NTSR1: variants seen among roughly 807,000 people sequenced by gnomAD.
NTSR1 encodes neurotensin receptor type 1.
Under a neutral mutation model 31.2 loss-of-function variants are expected in NTSR1, and 29 were observed. The observed-to-expected ratio is 0.93, with a 90% CI of 0.69 to 1.27. The LOEUF (loss-of-function observed/expected upper bound fraction) is 1.27. NTSR1 is among the 50% of genes most tolerant of loss of function. NTSR1 has a pLI of 0.00. For missense variants in NTSR1, 697 were observed against 595.4 expected, an observed-to-expected ratio of 1.17 and a Z score of -1.78; for synonymous variants, 282 against 269.9, an observed-to-expected ratio of 1.04 and a Z score of -0.44.
intron 1 of NTSR1, among the ~76,000 whole-genome samples, chr20:62,712,763 G>A (rs1236374071): frequency 6.6e-6 from 1 of 152,212 alleles, no homozygotes; most frequent in Non-Finnish European, 1.5e-5. Flanking sequence ...CCCCACACGG[G>A]CAGATGGCCC....
Position 62,743,121 on chromosome 20 carries a change from G to A in NTSR1, c.715-11564G>A, listed in dbSNP as rs1389920128. ...CAGGCTGGGAGGGGAGCACGGAGCC[G>A]CCCCTGCTGGACACGTATCCCGGCC... On this transcript the variant is annotated intron_variant, in intron 1 of 3. Coordinates refer to ENST00000370501, the MANE Select transcript of NTSR1 (RefSeq NM_002531.3). This position sits in a 1 kb window ranked among gnomAD's most constrained non-coding sequence, Gnocchi z 7.5. Among the ~76,000 whole-genome samples the A allele has an allele frequency of 2.7e-5, 4 of 149,342 alleles. No homozygotes were observed. The highest frequency in any genetic ancestry group is 5.9e-5 in the Non-Finnish European group (4 of 67,990).
rs1407144222 is a variant in NTSR1, at chr20:62,708,858, G to C, written c.-350G>C. 4.0e-6 allele frequency: 1 copy of C among 249,902 alleles called. No homozygotes were observed. The highest frequency in any genetic ancestry group is 7.6e-6 in the Non-Finnish European group (1 of 132,360). The allele number at this position is 249,902 out of a possible 1,614,324, so 15.5% of individuals were successfully genotyped here. ...GCCACAAGCTCGCCCCGCGCAGCCC[G>C]AGCCGGGCTGGGCGCTGTCCTCGGG... On this transcript the variant is annotated 5_prime_UTR_variant, in exon 1 of 4. Transcript: ENST00000370501. This position sits in a 1 kb window ranked among gnomAD's most constrained non-coding sequence, Gnocchi z 5.9.
Position 62,709,857 on chromosome 20 carries a change from A to G in NTSR1, c.650A>G (p.Gln217Arg). 6.2e-7 allele frequency: 1 copy of G among 1,607,892 alleles called. No individual in the cohort carries two copies. The highest frequency in any genetic ancestry group is 8.5e-7 in the Non-Finnish European group (1 of 1,176,236). ...MGEQNRSADG[Q>R]HAGGLVCTPT... ...GAGCAGAACCGCAGCGCCGACGGCC[A>G]GCACGCCGGCGGCCTGGTGTGCACC... Residue 217 changes from glutamine (Q) to arginine (R), a missense_variant, in exon 1 of 4, where the codon CAG becomes CGG. Physicochemically the swap from Gln to Arg is conservative, Grantham distance 43 (BLOSUM62 1). Transcript: ENST00000370501.
At chr20:62,750,106 T>G (rs540126242) in intron 1 of NTSR1, among the ~76,000 whole-genome samples, 1 of 152,168 alleles carries the variant, frequency 6.6e-6, no homozygotes, top group African/African-American at 2.4e-5. Flanking sequence ...CACAGCAGAG[T>G]GCTGCTCCGT....
chr20:62,708,915 A>C lies in NTSR1; in HGVS notation c.-293A>C. 2.8e-6 allele frequency: 1 copy of C among 353,780 alleles called. No individual in the cohort carries two copies. The highest frequency in any genetic ancestry group is 5.0e-6 in the Non-Finnish European group (1 of 198,206). 21.9% of individuals were successfully genotyped at this position (353,780 alleles called of 1,614,324 possible). ...GGGAACCGCGCGGTTTGGAGATCGG[A>C]GGCACCTGGAACCCGTGGCAAGCGC... On this transcript the variant is annotated 5_prime_UTR_variant, in exon 1 of 4. Transcript: ENST00000370501. The surrounding 1 kb of genome is among the most constrained non-coding windows in gnomAD (Gnocchi z 5.9).
rs906702613 is a variant in NTSR1 at position 62,715,005 on chromosome 20, C to G, written c.714+5084C>G. 6.6e-6 allele frequency among the ~76,000 whole-genome samples: 1 copy of G among 152,042 alleles called. No individual in the cohort carries two copies. Among genetic ancestry groups the G allele is most frequent in the African/African-American group, 2.4e-5 (1 of 41,384 alleles). ...ATGCAATGTCTCAGATTTACTGAAG[C>G]GTGATCTGGGGGAAGGGGCTGTGGG... On this transcript the variant is annotated intron_variant, in intron 1 of 3. Transcript: ENST00000370501. This position sits in a 1 kb window ranked among gnomAD's most constrained non-coding sequence, Gnocchi z 4.7.
rs994958786 is a variant in NTSR1 at position 62,711,602 on chromosome 20, C to T, written c.714+1681C>T. Among the ~76,000 whole-genome samples, 1 of 146,474 alleles carries T rather than the reference C, an allele frequency of 6.8e-6. No individual in the cohort carries two copies. The highest frequency in any genetic ancestry group is 1.5e-5 in the Non-Finnish European group (1 of 66,258). ...CGCTCAGATCCCCGATCCCCCCGCTCAGAACCCCGATCCCCCTGCTCCCCT... is the reference window on the plus strand; with the variant it reads ...CGCTCAGATCCCCGATCCCCCCGCTTAGAACCCCGATCCCCCTGCTCCCCT... On this transcript the variant is annotated intron_variant, in intron 1 of 3. Coordinates refer to ENST00000370501, the MANE Select transcript of NTSR1 (RefSeq NM_002531.3). The surrounding 1 kb of genome is among the most constrained non-coding windows in gnomAD (Gnocchi z 6.4).
intron 1 of NTSR1, among the ~76,000 whole-genome samples, chr20:62,752,350 T>C (rs1370704733): frequency 1.3e-5 from 2 of 152,142 alleles, no homozygotes; most frequent in African/African-American, 4.8e-5. Context: ...CCAAAGCCCC[T>C]GCTTCCAGCT....
chr20:62,752,203 C>T (rs1288754414), intron 1 of NTSR1, among the ~76,000 whole-genome samples: 1 of 152,226 alleles, frequency 6.6e-6, no homozygotes, highest in Admixed American at 6.5e-5. Flanking sequence ...CCCTCACCTC[C>T]CCTCACCCCC....
At chr20:62,716,326 A>C (rs997407189) in intron 1 of NTSR1, among the ~76,000 whole-genome samples, 1 of 152,058 alleles carries the variant, frequency 6.6e-6, no homozygotes, top group African/African-American at 2.4e-5. Context: ...CTTGCTGCTG[A>C]AAGACGCCAG....
intron 1 of NTSR1, among the ~76,000 whole-genome samples, chr20:62,710,277 C>T (rs1302252590): frequency 6.6e-6 from 1 of 152,264 alleles, no homozygotes; most frequent in Non-Finnish European, 1.5e-5. Context: ...GTGCCACCAA[C>T]AGGTGATGTT....
chr20:62,744,488 G>C lies in NTSR1; in HGVS notation c.715-10197G>C, dbSNP rs558120141. ...GAGAATGGCGTGAACCCGGGAGGTG[G>C]AGCTTGCAATGAGCTGAGATCACAC... On this transcript the variant is annotated intron_variant, in intron 1 of 3. Transcript: ENST00000370501. This position sits in a 1 kb window ranked among gnomAD's most constrained non-coding sequence, Gnocchi z 4.1. Among the ~76,000 whole-genome samples, 8 of 151,858 alleles carry C rather than the reference G, an allele frequency of 5.3e-5. No individual in the cohort carries two copies. Among genetic ancestry groups the C allele is most frequent in the African/African-American group, 1.9e-4 (8 of 41,358 alleles).
At position 62,760,307 on chromosome 20, in the gene NTSR1, T is replaced by C. The variant is rs1488002008; in HGVS notation, c.*40T>C. The C allele has an allele frequency of 6.4e-7, 1 of 1,565,138 alleles. No individual in the cohort carries two copies. The highest frequency in any genetic ancestry group is 2.3e-5 in the East Asian group (1 of 44,336). On this transcript the variant is annotated 3_prime_UTR_variant, in exon 4 of 4. Coordinates refer to ENST00000370501, the MANE Select transcript of NTSR1 (RefSeq NM_002531.3). ...AACGTGTCCAGGAGGAGCCTGGCCA[T>C]GGGTCCTTGCCCCCGACAGACAGAG...
rs1239916840 is a variant in NTSR1 at position 62,714,795 on chromosome 20, C to T, written c.714+4874C>T. Among the ~76,000 whole-genome samples the T allele has an allele frequency of 6.6e-6, 1 of 152,182 alleles. No homozygotes were observed. The highest frequency in any genetic ancestry group is 1.5e-5 in the Non-Finnish European group (1 of 68,042). ...GTGGCCTGGTTTCTTAGCAAAGACT[C>T]GGACAAGTCAACCTGTCGCAGAAAG... On this transcript the variant is annotated intron_variant, in intron 1 of 3. Transcript: ENST00000370501. The surrounding 1 kb of genome is among the most constrained non-coding windows in gnomAD (Gnocchi z 4.1).
At chr20:62,729,117 C>T (rs1323665223) in intron 1 of NTSR1, among the ~76,000 whole-genome samples, 1 of 152,252 alleles carries the variant, frequency 6.6e-6, no homozygotes, top group Non-Finnish European at 1.5e-5. Flanking sequence ...GACACACTTA[C>T]TCACGGCATG....
At chr20:62,721,198 C>A (rs1002615298) in intron 1 of NTSR1, among the ~76,000 whole-genome samples, 1 of 151,980 alleles carries the variant, frequency 6.6e-6, no homozygotes, top group African/African-American at 2.4e-5. Flanking sequence ...AATATAGTTT[C>A]TTTTTGTCTT....
rs955916439 is a variant in NTSR1 at position 62,745,077 on chromosome 20, G to C, written c.715-9608G>C. Among the ~76,000 whole-genome samples, 1 of 152,090 alleles carries C rather than the reference G, an allele frequency of 6.6e-6. No homozygotes were observed. Among genetic ancestry groups the C allele is most frequent in the African/African-American group, 2.4e-5 (1 of 41,396 alleles). ...TGGAACATCCACCCCTAAAACCTCAGACCCAGCCACTGAGGCCCATGGCCC... is the reference window on the plus strand; with the variant it reads ...TGGAACATCCACCCCTAAAACCTCACACCCAGCCACTGAGGCCCATGGCCC... On this transcript the variant is annotated intron_variant, in intron 1 of 3. Transcript: ENST00000370501. The surrounding 1 kb of genome is among the most constrained non-coding windows in gnomAD (Gnocchi z 4.1).
rs373451940 is a variant in NTSR1, at chr20:62,741,455, C to A, written c.715-13230C>A. ...GCTCAGAGGACGGGTCTGCAGGTGG[C>A]CAGAGTTCTCCTGATGGGGTCCTTG... On this transcript the variant is annotated intron_variant, in intron 1 of 3. Coordinates refer to ENST00000370501, the MANE Select transcript of NTSR1 (RefSeq NM_002531.3). This position sits in a 1 kb window ranked among gnomAD's most constrained non-coding sequence, Gnocchi z 4.3. 3.3e-5 allele frequency among the ~76,000 whole-genome samples: 5 copies of A among 149,626 alleles called. No homozygotes were observed. The highest frequency in any genetic ancestry group is 1.2e-4 in the African/African-American group (5 of 40,102).
At chr20:62,728,272 T>C (rs531155847) in intron 1 of NTSR1, among the ~76,000 whole-genome samples, 41 of 152,176 alleles carry the variant, frequency 2.7e-4, no homozygotes, top group Admixed American at 2.5e-3. Flanking sequence ...GTCGGTGCTC[T>C]CTCTTTCCCT....
Sources: gnomAD v4.1 joint callset for allele counts (sites outside exome capture counted in the v4.1 genomes callset) on GRCh38, gnomAD v4.1.1 for gene constraint, Gnocchi (gnomAD v3.1) non-coding constraint, MANE v1.5 for transcripts, NCBI Gene and HGNC (gene_info 2026-07-23, HGNC 2026-07-21) for gene names.